Variants in MLIP observed in about 807,000 individuals in gnomAD.
MLIP encodes muscular LMNA interacting protein, also known as muscular LMNA-interacting protein.
MLIP carries 79 observed loss-of-function variants against 84.8 expected under a neutral mutation model. The ratio of observed to expected loss-of-function variants is 0.93; its 90% CI spans 0.78 to 1.12. The LOEUF is 1.12. Ranked by LOEUF, MLIP falls within the 50% of genes most tolerant of loss-of-function variation. The pLI, the probability that MLIP is intolerant of heterozygous loss-of-function variation, is 0.00. For synonymous variants in MLIP, 504 were observed against 463.0 expected, an observed-to-expected ratio of 1.09 and a Z score of -1.14; for missense variants, 1,257 against 1,160.6, an observed-to-expected ratio of 1.08 and a Z score of -1.21.
At chr6:54,223,472 A>G (rs1780360653) in intron 11 of MLIP, among the ~76,000 whole-genome samples, 1 of 152,038 alleles carries the variant, frequency 6.6e-6, no homozygotes, top group Non-Finnish European at 1.5e-5. Context: ...CTGCATGAGG[A>G]CATACAGTTT....
intron 9 of MLIP, among the ~76,000 whole-genome samples, chr6:54,173,760 T>C (rs1260780024): frequency 6.6e-6 from 1 of 152,000 alleles, no homozygotes; most frequent in Admixed American, 6.6e-5. Flanking sequence ...TTTTAAAATG[T>C]ACAATTAAAT....
intron 8 of MLIP, among the ~76,000 whole-genome samples, chr6:54,161,611 T>C (rs2150566070): frequency 6.6e-6 from 1 of 151,972 alleles, no homozygotes; most frequent in East Asian, 1.9e-4. Flanking sequence ...TTCCTGTCCT[T>C]TCTTAAAATA....
chr6:54,110,943 T>G (rs1769409202), upstream of MLIP, among the ~76,000 whole-genome samples: 1 of 152,252 alleles, frequency 6.6e-6, no homozygotes, highest in African/African-American at 2.4e-5. Flanking sequence ...CCTGTATTGT[T>G]GCTTACAATT....
intron 13 of MLIP, among the ~76,000 whole-genome samples, chr6:54,262,762 T>G (rs1783468727): frequency 6.6e-6 from 1 of 152,048 alleles, no homozygotes; most frequent in African/African-American, 2.4e-5. Context: ...GTACTTACAA[T>G]GATGAGTTTT....
At chr6:54,099,575 G>A (rs1768488032) in intron 1 of MLIP, 1 of 152,094 alleles carries the variant, frequency 6.6e-6, no homozygotes, top group African/African-American at 2.4e-5. Context: ...CTTATAGATT[G>A]CCAGCCTGCT....
At chr6:54,036,906 A>G (rs1313912977) in intron 1 of MLIP, among the ~76,000 whole-genome samples, 1 of 152,054 alleles carries the variant, frequency 6.6e-6, no homozygotes, top group Non-Finnish European at 1.5e-5. Flanking sequence ...ACCAAGTGGA[A>G]GTTAATACTT....
At chr6:54,179,568 T>C (rs1469620664) in intron 9 of MLIP, among the ~76,000 whole-genome samples, 2 of 152,112 alleles carry the variant, frequency 1.3e-5, no homozygotes, top group African/African-American at 4.8e-5. Context: ...TGTGTATCTG[T>C]TGTATGGTTT....
intron 9 of MLIP, among the ~76,000 whole-genome samples, chr6:54,172,938 G>C (rs1442194647): frequency 6.6e-6 from 1 of 151,666 alleles, no homozygotes; most frequent in Non-Finnish European, 1.5e-5. Context: ...TCTTTTAAGT[G>C]TAATAGAATT....
At chr6:54,081,763 G>C (rs1202213959) in intron 1 of MLIP, among the ~76,000 whole-genome samples, 3 of 152,020 alleles carry the variant, frequency 2.0e-5, no homozygotes, top group African/African-American at 7.2e-5. Flanking sequence ...CCTCGCCCCA[G>C]CAGACTTTTG....
chr6:54,200,657 T>C (rs1457594772), intron 10 of MLIP, among the ~76,000 whole-genome samples: 1 of 149,670 alleles, frequency 6.7e-6, no homozygotes, highest in Non-Finnish European at 1.5e-5. Flanking sequence ...GGAGGAATAT[T>C]GTTCTCATGT....
intron 12 of MLIP, among the ~76,000 whole-genome samples, chr6:54,239,454 T>A (rs1389371089): frequency 6.7e-6 from 1 of 150,310 alleles, no homozygotes; most frequent in Non-Finnish European, 1.5e-5. Flanking sequence ...TTTTGTTCTA[T>A]TTTTTGAAGA....
At chr6:54,226,725 TAGATA>T (rs151124349) in intron 11 of MLIP, among the ~76,000 whole-genome samples, 4,703 of 151,928 alleles carry the variant, frequency 0.031, 212 homozygotes, top group African/African-American at 0.11. Flanking sequence ...TTTTTACAGA[TAGATA>T]AGATAGTGCC....
chr6:54,126,080 TC>T (rs1770898109), intron 3 of MLIP, among the ~76,000 whole-genome samples: 1 of 152,028 alleles, frequency 6.6e-6, no homozygotes, highest in South Asian at 2.1e-4. Flanking sequence ...AATATTATAA[TC>T]ATATAATTAA....
At chr6:54,243,850 A>G (rs537284244) in intron 12 of MLIP, among the ~76,000 whole-genome samples, 1 of 152,290 alleles carries the variant, frequency 6.6e-6, no homozygotes, top group South Asian at 2.1e-4. Flanking sequence ...GACTTCCTTC[A>G]GTCTACAGAT....
intron 11 of MLIP, among the ~76,000 whole-genome samples, chr6:54,213,707 CAAAAAAAAAAAAAA>C (rs1219772069): frequency 2.4e-4 from 2 of 8,474 alleles, no homozygotes; most frequent in African/African-American, 8.6e-4. Flanking sequence ...GACTTTGTCT[CAAAAAAAAAAAAAA>C]AAAAAAAAAA....
At chr6:54,083,519 T>C in intron 1 of MLIP, 1 of 1,535,716 alleles carries the variant, frequency 6.5e-7, no homozygotes, top group East Asian at 2.4e-5. Flanking sequence ...TGGCTGACAC[T>C]GACCTTGCCG....
At chr6:54,124,097 G>A (rs1770700345) in intron 2 of MLIP, among the ~76,000 whole-genome samples, 1 of 152,126 alleles carries the variant, frequency 6.6e-6, no homozygotes, top group Non-Finnish European at 1.5e-5. Context: ...GGCTTTTAAA[G>A]GATATACAGT....
intron 1 of MLIP, among the ~76,000 whole-genome samples, chr6:54,051,130 C>T (rs1408260848): frequency 6.6e-6 from 1 of 151,934 alleles, no homozygotes; most frequent in African/African-American, 2.4e-5. Flanking sequence ...TCCCCACTCT[C>T]AACCTCCTTG....
intron 10 of MLIP, among the ~76,000 whole-genome samples, chr6:54,194,978 G>T (rs551114827): frequency 6.6e-6 from 1 of 152,052 alleles, no homozygotes; most frequent in South Asian, 2.1e-4. Flanking sequence ...TTTAAAACAA[G>T]AATTAGGGTC....
Sources: allele counts gnomAD v4.1 joint callset (sites outside exome capture counted in the v4.1 genomes callset), GRCh38; gene constraint gnomAD v4.1.1; transcripts MANE v1.5; gene names NCBI Gene and HGNC (gene_info 2026-07-23, HGNC 2026-07-21).